LAP3: variants seen among roughly 807,000 people sequenced by gnomAD.
The protein encoded by LAP3 is cytosol aminopeptidase.
A neutral mutation model predicts 58.8 loss-of-function variants in LAP3; 46 were observed. That is an observed-to-expected ratio of 0.78 (90% CI 0.62 to 1.00). LAP3 has a LOEUF of 1.00. LAP3 is among the 50% of genes least tolerant of loss of function. The probability of loss-of-function intolerance (pLI) is 0.00; values close to 1 mark genes in which losing one functional copy is unlikely to be tolerated. For synonymous variants in LAP3, 257 were observed against 237.7 expected (o/e 1.08, Z -0.75); for missense variants, 615 against 659.1 (o/e 0.93, Z 0.73).
intron 2 of LAP3, among the ~76,000 whole-genome samples, chr4:17,580,660 T>C (rs544518409): frequency 1.3e-5 from 2 of 152,294 alleles, no homozygotes; most frequent in South Asian, 4.1e-4. Flanking sequence ...CTAGGATAGT[T>C]AATAGCAGCC....
chr4:17,607,579 A>T lies in LAP3; in HGVS notation c.1550A>T (p.Asp517Val), dbSNP rs764945302. 1 of 1,612,002 alleles carries T rather than the reference A, an allele frequency of 6.2e-7. No homozygotes were observed. The highest frequency in any genetic ancestry group is 8.5e-7 in the Non-Finnish European group (1 of 1,179,404). ...GAGTTCTTACTTCGTTTCAGTCAAG[A>T]CAATGCTTAGTTCAGATACTCAAAA... is the stretch of plus-strand genomic sequence containing the variant. ...LIEFLLRFSQDNA is the reference protein window; with the variant it reads ...LIEFLLRFSQVNA Residue 517 changes from aspartate to valine, a missense_variant, in exon 13 of 13, where the codon GAC (aspartate) becomes GTC (valine). By Grantham distance (152) the Asp-to-Val change is radical. Transcript: ENST00000226299.
At chr4:17,578,477 G>A (rs909620891) in intron 1 of LAP3, among the ~76,000 whole-genome samples, 1 of 152,172 alleles carries the variant, frequency 6.6e-6, no homozygotes, top group South Asian at 2.1e-4. Flanking sequence ...TATTCTAAGT[G>A]TCTGTGTGGT....
chr4:17,596,422 C>T (rs1195435443), intron 8 of LAP3, among the ~76,000 whole-genome samples: 1 of 152,152 alleles, frequency 6.6e-6, no homozygotes, highest in Admixed American at 6.5e-5. Context: ...TCACCACAAC[C>T]TCCACCTCCC....
intron 5 of LAP3, 99 bp from the exon 6 acceptor site, chr4:17,584,873 C>A (rs760995655): frequency 1.0e-4 from 121 of 1,176,928 alleles, no homozygotes; most frequent in Admixed American, 3.9e-4. Flanking sequence ...TTGTAGTCTT[C>A]CTCTTTTGTT....
chr4:17,595,158 G>A (rs1274745580), intron 7 of LAP3, among the ~76,000 whole-genome samples: 1 of 150,718 alleles, frequency 6.6e-6, no homozygotes, highest in African/African-American at 2.4e-5. Context: ...AATTAGCCAG[G>A]CATGGTGGCA....
At chr4:17,600,792 A>G (rs1246654666) in intron 10 of LAP3, among the ~76,000 whole-genome samples, 1 of 152,226 alleles carries the variant, frequency 6.6e-6, no homozygotes, top group Non-Finnish European at 1.5e-5. Flanking sequence ...CACAGTCTTC[A>G]GAAATAGAAG....
chr4:17,577,910 A>ATCCG (rs1713253838), intron 1 of LAP3, among the ~76,000 whole-genome samples: 1 of 152,156 alleles, frequency 6.6e-6, no homozygotes, highest in Non-Finnish European at 1.5e-5. Flanking sequence ...AGCTTGGAGG[A>ATCCG]AGCCCGAGTT....
intron 12 of LAP3, 32 bp downstream of exon 12, chr4:17,606,970 C>A: frequency 7.2e-7 from 1 of 1,392,402 alleles, no homozygotes; most frequent in Non-Finnish European, 1.0e-6. Context: ...TACATTTATA[C>A]AATCATCCTT....
chr4:17,598,979 C>A (rs1001105520), intron 10 of LAP3, among the ~76,000 whole-genome samples: 2 of 151,960 alleles, frequency 1.3e-5, no homozygotes, highest in Non-Finnish European at 2.9e-5. Context: ...CTCAGGTGAT[C>A]CACCCGCCTC....
intron 7 of LAP3, among the ~76,000 whole-genome samples, chr4:17,590,665 G>A (rs546148347): frequency 5.4e-4 from 81 of 151,266 alleles, no homozygotes; most frequent in African/African-American, 1.7e-3. Flanking sequence ...TCCGCCTCCC[G>A]GGTTCACACC....
intron 11 of LAP3, among the ~76,000 whole-genome samples, chr4:17,605,481 A>G (rs1266135351): frequency 1.3e-5 from 2 of 152,220 alleles, no homozygotes; most frequent in Non-Finnish European, 2.9e-5. Flanking sequence ...GCTGCTAGAC[A>G]GCTCCAGCTG....
At chr4:17,592,316 T>G (rs914081379) in intron 7 of LAP3, among the ~76,000 whole-genome samples, 9 of 142,786 alleles carry the variant, frequency 6.3e-5, no homozygotes, top group Non-Finnish European at 9.0e-5. Context: ...TTCCGGAAAG[T>G]CATATAAATG....
chr4:17,586,101 C>A (rs187751642), intron 6 of LAP3: 65 of 152,344 alleles, frequency 4.3e-4, no homozygotes, highest in African/African-American at 1.5e-3. Context: ...TCCCAGGTGT[C>A]CCTGAATGCT....
chr4:17,589,774 T>C (rs1198996734), intron 7 of LAP3, among the ~76,000 whole-genome samples: 1 of 152,210 alleles, frequency 6.6e-6, no homozygotes, highest in African/African-American at 2.4e-5. Flanking sequence ...TGTCTTCAGA[T>C]TTTTCTGCCA....
At chr4:17,598,939 T>C (rs1387618324) in intron 10 of LAP3, among the ~76,000 whole-genome samples, 1 of 151,984 alleles carries the variant, frequency 6.6e-6, no homozygotes, top group Non-Finnish European at 1.5e-5. Context: ...GTTTTTGCCA[T>C]GTTAGCCAGG....
At chr4:17,600,499 G>C (rs1357891191) in intron 10 of LAP3, among the ~76,000 whole-genome samples, 3 of 152,090 alleles carry the variant, frequency 2.0e-5, no homozygotes, top group Admixed American at 2.0e-4. Context: ...GATACGTCAA[G>C]TTCTACAATT....
At chr4:17,595,371 C>G in intron 7 of LAP3, 39 bp from the exon 8 acceptor site, 1 of 1,604,354 alleles carries the variant, frequency 6.2e-7, no homozygotes, top group South Asian at 1.1e-5. Flanking sequence ...TGGCCATCTT[C>G]TTTGCTCTTA....
rs1013937500 is a variant in LAP3, at chr4:17,584,818, A to G, written c.540-154A>G. 5 of 674,336 alleles carry G rather than the reference A, an allele frequency of 7.4e-6. No homozygotes were observed. In the African/African-American group the frequency reaches 9.1e-5, roughly 12 times the overall value. 41.8% of individuals were successfully genotyped at this position (674,336 alleles called of 1,614,324 possible). A position where few individuals can be genotyped will look rare whatever the true frequency, so the allele number is the denominator to read the frequency against. On this transcript the variant is annotated intron_variant, in intron 5 of 12. Transcript: ENST00000226299. ...CATACCATCTGCTGCCCTGGGTCAG[A>G]TCACAAAAAATGAATCCAGGTCCTG...
intron 6 of LAP3, among the ~76,000 whole-genome samples, chr4:17,588,309 A>G (rs888588283): frequency 6.6e-5 from 10 of 151,122 alleles, no homozygotes; most frequent in Non-Finnish European, 8.8e-5. Context: ...CATCTTTATT[A>G]TATCTTACCT....
Sources: gnomAD v4.1 joint callset for allele counts (sites outside exome capture counted in the v4.1 genomes callset) on GRCh38, gnomAD v4.1.1 for gene constraint, MANE v1.5 for transcripts, NCBI Gene and HGNC (gene_info 2026-07-23, HGNC 2026-07-21) for gene names.